Variants in NBAS observed in about 807,000 individuals in gnomAD.
NBAS encodes NAG/BC035112 fusion.
NBAS carries 219 observed loss-of-function variants against 302.5 expected under a neutral mutation model. That is an observed-to-expected ratio of 0.72 (90% CI 0.65 to 0.81). The LOEUF (loss-of-function observed/expected upper bound fraction) is 0.81. Ranked by LOEUF, NBAS falls within the 30% of genes least tolerant of loss-of-function variation. NBAS has a pLI of 0.00. For missense variants in NBAS, 2,932 were observed against 2,841.6 expected, an observed-to-expected ratio of 1.03 and a Z score of -0.72; for synonymous variants, 1,118 against 1,021.6, an observed-to-expected ratio of 1.09 and a Z score of -1.80.
At chr2:15,160,561 C>T in the NBAS span, among the ~76,000 whole-genome samples, 7 of 126,416 alleles carry the variant, frequency 5.5e-5, no homozygotes, top group South Asian at 1.7e-3. Flanking sequence ...TGCCAGGAAA[C>T]TGAGCAAGAA....
the NBAS span, among the ~76,000 whole-genome samples, chr2:14,870,930 T>C: frequency 4.7e-5 from 7 of 150,468 alleles, no homozygotes; most frequent in African/African-American, 1.2e-4. Flanking sequence ...TAAAAGAAAT[T>C]AGGAAACCAC....
the NBAS span, among the ~76,000 whole-genome samples, chr2:15,098,855 T>TA: frequency 2.0e-5 from 3 of 150,746 alleles, no homozygotes; most frequent in East Asian, 5.8e-4. Context: ...TGCTCTCGTA[T>TA]AAAAAAACAG....
chr2:15,090,884 T>C, the NBAS span, among the ~76,000 whole-genome samples: 1 of 152,136 alleles, frequency 6.6e-6, no homozygotes, highest in East Asian at 1.9e-4. Flanking sequence ...TTAGCAGTCT[T>C]ATCGTGAAGA....
chr2:14,897,185 T>C, the NBAS span, among the ~76,000 whole-genome samples: 1 of 152,310 alleles, frequency 6.6e-6, no homozygotes, highest in Middle Eastern at 3.4e-3. Flanking sequence ...ACAGGTCTCC[T>C]GATTCCTGCT....
intron 26 of NBAS, among the ~76,000 whole-genome samples, chr2:15,398,292 C>A (rs1040855809): frequency 6.6e-6 from 1 of 152,002 alleles, no homozygotes; most frequent in Non-Finnish European, 1.5e-5. Context: ...TAAAGCTGTA[C>A]GCTACCAAAC....
At chr2:15,293,651 G>GAAA (rs5829496) in intron 40 of NBAS, among the ~76,000 whole-genome samples, 74 of 149,644 alleles carry the variant, frequency 4.9e-4, no homozygotes, top group African/African-American at 1.7e-3. Context: ...GCAAATTAGA[G>GAAA]AAAAAAAAAA....
At chr2:15,264,026 C>A in intron 44 of NBAS, among the ~76,000 whole-genome samples, 1 of 152,132 alleles carries the variant, frequency 6.6e-6, no homozygotes, top group Non-Finnish European at 1.5e-5. Flanking sequence ...ATAAATCTGT[C>A]TGTAAGTTTG....
chr2:15,089,310 T>A, the NBAS span, among the ~76,000 whole-genome samples: 1 of 152,108 alleles, frequency 6.6e-6, no homozygotes, highest in East Asian at 1.9e-4. Flanking sequence ...TTCTTCAAGG[T>A]CAAAGAAGTG....
the NBAS span, among the ~76,000 whole-genome samples, chr2:15,154,455 T>A: frequency 1.3e-5 from 2 of 152,200 alleles, no homozygotes; most frequent in African/African-American, 4.8e-5. Flanking sequence ...TCTAGCTCCA[T>A]TGCCTCATTG....
intron 3 of NBAS, among the ~76,000 whole-genome samples, chr2:15,555,507 C>T (rs1664605081): frequency 6.6e-6 from 1 of 151,830 alleles, no homozygotes; most frequent in Admixed American, 6.6e-5. Context: ...ATTATATTGT[C>T]AATAATTCTC....
chr2:14,962,950 A>G, the NBAS span, among the ~76,000 whole-genome samples: 1 of 152,268 alleles, frequency 6.6e-6, no homozygotes, highest in Non-Finnish European at 1.5e-5. Flanking sequence ...GGAGAAAAAA[A>G]AAAACAAAAA....
At chr2:15,396,506 C>A (rs371551298) in intron 26 of NBAS, 31 bp from the exon 27 acceptor site, 1 of 1,483,126 alleles carries the variant, frequency 6.7e-7, no homozygotes, top group African/African-American at 1.4e-5. Flanking sequence ...AAAAAAAAGC[C>A]CTTAAGTTTA....
chr2:15,482,449 T>C (rs1680467670), intron 12 of NBAS, among the ~76,000 whole-genome samples: 1 of 152,258 alleles, frequency 6.6e-6, no homozygotes, highest in Non-Finnish European at 1.5e-5. Context: ...GCCTGTGTCA[T>C]GTAAAATGTT....
At chr2:15,230,549 C>T (rs1667340187) in intron 47 of NBAS, among the ~76,000 whole-genome samples, 1 of 152,126 alleles carries the variant, frequency 6.6e-6, no homozygotes, top group Admixed American at 6.5e-5. Context: ...TAGAGTAAGT[C>T]TCAAATTGGA....
intron 42 of NBAS, among the ~76,000 whole-genome samples, chr2:15,285,133 C>A (rs1265873357): frequency 1.3e-5 from 2 of 152,144 alleles, no homozygotes; most frequent in Non-Finnish European, 2.9e-5. Flanking sequence ...TACTGTGCTT[C>A]AAAAATGACG....
intron 32 of NBAS, among the ~76,000 whole-genome samples, chr2:15,361,664 G>A (rs1201331950): frequency 6.6e-6 from 1 of 152,078 alleles, no homozygotes; most frequent in Non-Finnish European, 1.5e-5. Context: ...ATTTTAAAGA[G>A]CCTTAAAATT....
At chr2:15,285,577 C>A (rs1421998343) in intron 42 of NBAS, among the ~76,000 whole-genome samples, 2 of 152,214 alleles carry the variant, frequency 1.3e-5, no homozygotes, top group Non-Finnish European at 2.9e-5. Flanking sequence ...AACCCCAGAT[C>A]TGTAAGATCC....
intron 44 of NBAS, among the ~76,000 whole-genome samples, chr2:15,256,355 C>T (rs184427679): frequency 1.2e-4 from 19 of 152,072 alleles, no homozygotes; most frequent in Admixed American, 1.2e-3. Flanking sequence ...ACTTGATTCT[C>T]GGCTTGGTCA....
At chr2:14,907,635 G>C in the NBAS span, 2 of 152,244 alleles carry the variant, frequency 1.3e-5, no homozygotes, top group Non-Finnish European at 2.9e-5. Flanking sequence ...CTTCCCGAGT[G>C]CCTCCCTCCA....
Sources: allele counts gnomAD v4.1 joint callset (sites outside exome capture counted in the v4.1 genomes callset), GRCh38; gene constraint gnomAD v4.1.1; transcripts MANE v1.5; gene names NCBI Gene and HGNC (gene_info 2026-07-23, HGNC 2026-07-21).